The following EFNA5 variants were observed in gnomAD, a reference collection of about 807,000 sequenced individuals.
EFNA5 encodes ephrin A5.
EFNA5 carries 5 observed loss-of-function variants against 22.9 expected under a neutral mutation model. The observed-to-expected ratio is 0.22, with a 90% CI of 0.11 to 0.46. The LOEUF (loss-of-function observed/expected upper bound fraction) is 0.46, where lower values mean the gene tolerates loss of function less well. Among genes scored for constraint, EFNA5 ranks in the 20% least tolerant of loss-of-function variants. EFNA5 has a pLI of 0.99. For missense variants in EFNA5, 237 were observed against 293.3 expected, an observed-to-expected ratio of 0.81 and a Z score of 1.40; for synonymous variants, 113 against 112.2, an observed-to-expected ratio of 1.01 and a Z score of -0.04.
chr5:107,389,066 T>C (rs1747716299), intron 2 of EFNA5, among the ~76,000 whole-genome samples: 1 of 152,190 alleles, frequency 6.6e-6, no homozygotes, highest in African/African-American at 2.4e-5. Flanking sequence ...GTCCCCAGTG[T>C]CCCTATTCAA....
At chr5:107,411,004 T>A (rs1243490541) in intron 2 of EFNA5, among the ~76,000 whole-genome samples, 4 of 152,210 alleles carry the variant, frequency 2.6e-5, no homozygotes, top group Non-Finnish European at 5.9e-5. Flanking sequence ...GAAAAGTAAT[T>A]AAATTTGAGA....
At chr5:107,418,386 C>T (rs1317415150) in intron 2 of EFNA5, among the ~76,000 whole-genome samples, 1 of 152,188 alleles carries the variant, frequency 6.6e-6, no homozygotes, top group East Asian at 1.9e-4. Context: ...ATTACTGCTT[C>T]CCTGTGAAAT....
intron 1 of EFNA5, among the ~76,000 whole-genome samples, chr5:107,437,246 T>A (rs1306811913): frequency 6.6e-6 from 1 of 152,234 alleles, no homozygotes; most frequent in African/African-American, 2.4e-5. Context: ...GAAGCATATA[T>A]TTGGTAATGC....
intron 1 of EFNA5, among the ~76,000 whole-genome samples, chr5:107,452,713 G>A (rs1442863093): frequency 6.6e-6 from 1 of 152,130 alleles, no homozygotes; most frequent in Non-Finnish European, 1.5e-5. Context: ...CCTGGGCTCA[G>A]AATGAGACCC....
intron 2 of EFNA5, among the ~76,000 whole-genome samples, chr5:107,403,117 C>T (rs1056453712): frequency 6.6e-6 from 1 of 152,140 alleles, no homozygotes; most frequent in African/African-American, 2.4e-5. Flanking sequence ...TTCATTAGTT[C>T]CCCTGTATAG....
At chr5:107,630,715 T>C (rs1044561062) in intron 1 of EFNA5, among the ~76,000 whole-genome samples, 1 of 152,178 alleles carries the variant, frequency 6.6e-6, no homozygotes, top group Non-Finnish European at 1.5e-5. Context: ...CTTAGCTTAC[T>C]GTAACTTTTT....
At chr5:107,451,304 TC>T (rs2112446396) in intron 1 of EFNA5, among the ~76,000 whole-genome samples, 1 of 152,306 alleles carries the variant, frequency 6.6e-6, no homozygotes, top group South Asian at 2.1e-4. Context: ...ACTGGATAAA[TC>T]AACTACGTTG....
chr5:107,399,389 AAAG>A (rs957071131), intron 2 of EFNA5, among the ~76,000 whole-genome samples: 53 of 139,376 alleles, frequency 3.8e-4, no homozygotes, highest in African/African-American at 1.4e-3. Context: ...GGAAGGAAGG[AAAG>A]AAGAGAGAGA....
intron 1 of EFNA5, among the ~76,000 whole-genome samples, chr5:107,627,635 CAAA>C (rs758660866): frequency 1.1e-4 from 8 of 72,064 alleles, no homozygotes; most frequent in African/African-American, 2.0e-4. Flanking sequence ...GACCACATCT[CAAA>C]AAAAAAAAAA....
chr5:107,459,131 C>T (rs2890056), intron 1 of EFNA5, among the ~76,000 whole-genome samples: 8 of 152,106 alleles, frequency 5.3e-5, no homozygotes, highest in East Asian at 3.9e-4. Flanking sequence ...TACTGGCTCA[C>T]GCCTGTAATC....
chr5:107,520,297 A>C (rs1482238670), intron 1 of EFNA5, among the ~76,000 whole-genome samples: 3 of 152,258 alleles, frequency 2.0e-5, no homozygotes, highest in Non-Finnish European at 4.4e-5. Flanking sequence ...TGAATCAATA[A>C]GAGTGAGAAA....
intron 1 of EFNA5, among the ~76,000 whole-genome samples, chr5:107,508,524 C>T (rs1747297825): frequency 6.6e-6 from 1 of 152,202 alleles, no homozygotes; most frequent in Non-Finnish European, 1.5e-5. Flanking sequence ...GTTACACCAA[C>T]CTTGAAGACA....
At chr5:107,593,192 C>T (rs552845339) in intron 1 of EFNA5, among the ~76,000 whole-genome samples, 80 of 152,272 alleles carry the variant, frequency 5.3e-4, no homozygotes, top group African/African-American at 1.9e-3. Context: ...AGATACTAAT[C>T]AGATACAGAG....
At position 107,488,725 on chromosome 5, in the gene EFNA5, T is replaced by G. The variant is rs201667558; in HGVS notation, c.126-61216A>C. On this transcript the variant is annotated intron_variant, in intron 1 of 4. Coordinates refer to ENST00000333274, the MANE Select transcript of EFNA5 (RefSeq NM_001962.3). The stretch of plus-strand genomic sequence containing the variant: ...TTTTTTTTCCAAGACAGCGTCTTGC[T>G]CTGTCGCCCAGGCTACAGTGCAATG... Among the ~76,000 whole-genome samples, 44 of 152,286 alleles carry G rather than the reference T, an allele frequency of 2.9e-4. No homozygotes were observed. The East Asian group carries it at 5.6e-3, about 19-fold the overall frequency.
intron 1 of EFNA5, among the ~76,000 whole-genome samples, chr5:107,572,447 T>C (rs1748833849): frequency 6.6e-6 from 1 of 152,176 alleles, no homozygotes; most frequent in Admixed American, 6.5e-5. Flanking sequence ...CTTGCTGCTT[T>C]GCAAGTGAGA....
At chr5:107,569,842 A>T (rs555504332) in intron 1 of EFNA5, among the ~76,000 whole-genome samples, 2 of 149,634 alleles carry the variant, frequency 1.3e-5, no homozygotes, top group Admixed American at 1.3e-4. Flanking sequence ...ACCAAAAAAA[A>T]AAAAAAAAAA....
At chr5:107,659,019 T>C (rs1387365444) in intron 1 of EFNA5, among the ~76,000 whole-genome samples, 1 of 152,180 alleles carries the variant, frequency 6.6e-6, no homozygotes, top group Non-Finnish European at 1.5e-5. Flanking sequence ...TACTATTTTA[T>C]ACTCTGTAAT....
intron 2 of EFNA5, among the ~76,000 whole-genome samples, chr5:107,390,114 C>T (rs1037615807): frequency 6.6e-6 from 1 of 152,176 alleles, no homozygotes; most frequent in Non-Finnish European, 1.5e-5. Flanking sequence ...GAGAAGTGTG[C>T]CTTACTAGGT....
intron 1 of EFNA5, among the ~76,000 whole-genome samples, chr5:107,511,002 T>TTGTG (rs71644591): frequency 0.14 from 19,532 of 140,266 alleles, 1,613 homozygotes; most frequent in East Asian, 0.37. Flanking sequence ...TTCTTTTTCT[T>TTGTG]TGTGTGTGTG....
Sources: gnomAD v4.1 joint callset for allele counts (sites outside exome capture counted in the v4.1 genomes callset) on GRCh38, gnomAD v4.1.1 for gene constraint, MANE v1.5 for transcripts, NCBI Gene and HGNC (gene_info 2026-07-23, HGNC 2026-07-21) for gene names.